Variants in UNC5A observed in about 807,000 individuals in gnomAD.
UNC5A encodes netrin receptor UNC5A.
A neutral mutation model predicts 87.4 loss-of-function variants in UNC5A; 20 were observed. The observed-to-expected ratio is 0.23, with a 90% CI of 0.16 to 0.33. The LOEUF (loss-of-function observed/expected upper bound fraction) is 0.33, where lower values mean the gene tolerates loss of function less well. UNC5A is among the 10% of genes least tolerant of loss of function. The probability of loss-of-function intolerance (pLI) is 1.00; values close to 1 mark genes in which losing one functional copy is unlikely to be tolerated. For synonymous variants in UNC5A, 438 were observed against 482.3 expected (o/e 0.91, Z 1.20); for missense variants, 844 against 1,133.4 (o/e 0.74, Z 3.67).
intron 1 of UNC5A, among the ~76,000 whole-genome samples, chr5:176,823,577 C>T (rs1042532627): frequency 1.3e-4 from 20 of 151,942 alleles, no homozygotes; most frequent in Non-Finnish European, 2.9e-4. Flanking sequence ...TGAAGCCCTA[C>T]GGGGTAGGTC....
intron 1 of UNC5A, among the ~76,000 whole-genome samples, chr5:176,851,996 C>T (rs766209133): frequency 6.6e-6 from 1 of 152,238 alleles, no homozygotes; most frequent in Non-Finnish European, 1.5e-5. Context: ...GAACTCATTT[C>T]CTCATTAGGA....
chr5:176,843,078 T>C (rs1757316070), intron 1 of UNC5A, among the ~76,000 whole-genome samples: 2 of 151,404 alleles, frequency 1.3e-5, no homozygotes, highest in Admixed American at 1.3e-4. Flanking sequence ...GGAGAATCAC[T>C]TGAACCCAGG....
At chr5:176,828,557 C>T (rs1478872640) in intron 1 of UNC5A, among the ~76,000 whole-genome samples, 1 of 152,218 alleles carries the variant, frequency 6.6e-6, no homozygotes, top group African/African-American at 2.4e-5. Flanking sequence ...TTTGGCCTCA[C>T]TCAAATATCG....
At chr5:176,839,744 C>G (rs1757227615) in intron 1 of UNC5A, among the ~76,000 whole-genome samples, 1 of 151,156 alleles carries the variant, frequency 6.6e-6, no homozygotes, top group Admixed American at 6.6e-5. Flanking sequence ...GCAGATACCG[C>G]AAGCGAAGAC....
rs573749159 is a variant in UNC5A, at chr5:176,827,308, G to A, written c.70+16488G>A. ...AGCGATTCTCCTGCCTCAGCCTCCCGAGTAGCTGGGATTACAGGCATGCAC... is the reference window on the plus strand; with the variant it reads ...AGCGATTCTCCTGCCTCAGCCTCCCAAGTAGCTGGGATTACAGGCATGCAC... On this transcript the variant is annotated intron_variant, in intron 1 of 14. Transcript: ENST00000329542. 5.4e-5 allele frequency among the ~76,000 whole-genome samples: 8 copies of A among 147,800 alleles called. No homozygotes were observed. The South Asian group carries it at 8.7e-4, about 16-fold the overall frequency.
rs1200539438 is a variant in UNC5A at position 176,856,446 on chromosome 5, A to T, written c.71-6178A>T. 2.6e-5 allele frequency among the ~76,000 whole-genome samples: 4 copies of T among 152,122 alleles called. No homozygotes were observed. In the East Asian group the frequency reaches 7.7e-4, roughly 29 times the overall value. On this transcript the variant is annotated intron_variant, in intron 1 of 14. Transcript: ENST00000329542. ...CAGATCTGAAATTCTAGAGGGAAAA[A>T]GCGGTGGTCATTCAGTCACGCAACA... is the stretch of plus-strand genomic sequence containing the variant.
At position 176,848,204 on chromosome 5, in the gene UNC5A, G is replaced by A. The variant is rs1194284110; in HGVS notation, c.71-14420G>A. Among the ~76,000 whole-genome samples the A allele has an allele frequency of 1.3e-5, 2 of 151,658 alleles. No individual in the cohort carries two copies. Among genetic ancestry groups the A allele is most frequent in the Non-Finnish European group, 2.9e-5 (2 of 67,890 alleles). On this transcript the variant is annotated intron_variant, in intron 1 of 14. Transcript: ENST00000329542. This position sits in a 1 kb window ranked among gnomAD's most constrained non-coding sequence, Gnocchi z 5.8. ...CCGCCCCCCGCACCCAGATCCCTCC[G>A]CCCCTCAGCCTGGTGTGACATCCTT...
intron 9 of UNC5A, 114 bp downstream of exon 9, chr5:176,877,393 G>T (rs1758288899): frequency 1.5e-6 from 2 of 1,354,114 alleles, no homozygotes; most frequent in South Asian, 1.4e-5. Flanking sequence ...GCGGGGGAAA[G>T]AGCTATGCCT....
rs1387910838 is a variant in UNC5A, at chr5:176,824,773, C to A, written c.70+13953C>A. 2.0e-5 allele frequency among the ~76,000 whole-genome samples: 3 copies of A among 147,252 alleles called. No homozygotes were observed. The East Asian group carries it at 6.0e-4, about 29-fold the overall frequency. On this transcript the variant is annotated intron_variant, in intron 1 of 14. Transcript: ENST00000329542. This position sits in a 1 kb window ranked among gnomAD's most constrained non-coding sequence, Gnocchi z 4.2. ...GCCTGTGCACTCCCTGCCCTGTGCA[C>A]CCCCACCACCTGTGTGCCCCCTGCT...
chr5:176,843,172 A>G (rs531832029), intron 1 of UNC5A, among the ~76,000 whole-genome samples: 9 of 148,184 alleles, frequency 6.1e-5, no homozygotes, highest in East Asian at 1.9e-4. Context: ...AAAAAAAAAA[A>G]AAAGAAAGAA....
intron 1 of UNC5A, among the ~76,000 whole-genome samples, chr5:176,819,605 C>T (rs1017756855): frequency 3.9e-5 from 6 of 152,178 alleles, no homozygotes; most frequent in African/African-American, 1.2e-4. Context: ...AGGCTCCGCA[C>T]GGGATAGGGG....
chr5:176,871,291 T>C (rs13154574), intron 6 of UNC5A, among the ~76,000 whole-genome samples: 2 of 1,256 alleles, frequency 1.6e-3, no homozygotes, highest in Non-Finnish European at 4.0e-3. Context: ...TGCCCACACC[T>C]GCCCCAACAC....
At chr5:176,828,921 G>C (rs1345637609) in intron 1 of UNC5A, among the ~76,000 whole-genome samples, 1 of 152,056 alleles carries the variant, frequency 6.6e-6, no homozygotes, top group Non-Finnish European at 1.5e-5. Flanking sequence ...ACAAGGTCAA[G>C]AGTTCGAGAC....
rs554998913 is a variant in UNC5A at position 176,879,226 on chromosome 5, C to G, written c.2185-84C>G. 2.2e-5 allele frequency: 32 copies of G among 1,467,642 alleles called. 3 individuals carry two copies. The Admixed American group carries it at 5.6e-4, about 26-fold the overall frequency. 90.9% of individuals were successfully genotyped at this position (1,467,642 alleles called of 1,614,324 possible). On this transcript the variant is annotated intron_variant, in intron 13 of 14. Coordinates refer to ENST00000329542, the MANE Select transcript of UNC5A (RefSeq NM_133369.3). ...TGCCGCCCCCATGCTCTGGGGGAGTCTGGGAGCTCCCCCAGCAGGAGGTGG... is the reference window on the plus strand; with the variant it reads ...TGCCGCCCCCATGCTCTGGGGGAGTGTGGGAGCTCCCCCAGCAGGAGGTGG...
At chr5:176,862,346 G>C (rs1757861261) in intron 1 of UNC5A, among the ~76,000 whole-genome samples, 1 of 152,246 alleles carries the variant, frequency 6.6e-6, no homozygotes, top group Non-Finnish European at 1.5e-5. Flanking sequence ...GCAGTCGCCA[G>C]GCCACCTCGG....
chr5:176,817,960 G>A (rs1329919052), intron 1 of UNC5A, among the ~76,000 whole-genome samples: 2 of 151,982 alleles, frequency 1.3e-5, no homozygotes, highest in Non-Finnish European at 2.9e-5. Context: ...GCGGCCGCCC[G>A]CCGGATTAGC....
intron 1 of UNC5A, among the ~76,000 whole-genome samples, chr5:176,852,669 GGCCCTT>G (rs1757572727): frequency 6.6e-6 from 1 of 152,202 alleles, no homozygotes; most frequent in Admixed American, 6.5e-5. Context: ...AGCAGGAAGG[GGCCCTT>G]GGTTGGGGCC....
intron 2 of UNC5A, among the ~76,000 whole-genome samples, chr5:176,867,275 C>A (rs1016123781): frequency 1.3e-5 from 2 of 152,078 alleles, no homozygotes; most frequent in Non-Finnish European, 2.9e-5. Flanking sequence ...TTGCTGCCCC[C>A]GCTCCTGAGT....
At chr5:176,843,288 G>T (rs577099325) in intron 1 of UNC5A, among the ~76,000 whole-genome samples, 1 of 152,364 alleles carries the variant, frequency 6.6e-6, no homozygotes, top group Admixed American at 6.5e-5. Context: ...GCCCAGCAGG[G>T]GAAGGACGCT....
Sources: gnomAD v4.1 joint callset for allele counts (sites outside exome capture counted in the v4.1 genomes callset) on GRCh38, gnomAD v4.1.1 for gene constraint, Gnocchi (gnomAD v3.1) non-coding constraint, MANE v1.5 for transcripts, NCBI Gene and HGNC (gene_info 2026-07-23, HGNC 2026-07-21) for gene names.